Variants in RYR1 observed in about 807,000 individuals in gnomAD.
RYR1 encodes central core disease of muscle.
In RYR1, 342 loss-of-function variants were observed where a neutral mutation model predicts 583.5. The observed-to-expected ratio is 0.59, with a 90% CI of 0.54 to 0.64. The LOEUF (loss-of-function observed/expected upper bound fraction) is 0.64, where lower values mean the gene tolerates loss of function less well. RYR1 is among the 30% of genes least tolerant of loss of function. The probability of loss-of-function intolerance (pLI) is 0.00; values close to 1 mark genes in which losing one functional copy is unlikely to be tolerated. For synonymous variants in RYR1, 2,791 were observed against 2,822.5 expected (o/e 0.99, Z 0.35); for missense variants, 6,032 against 6,917.2 (o/e 0.87, Z 4.54).
chr19:38,477,891 T>TGGG, intron 30 of RYR1, 21 bp downstream of exon 30: 18 of 528,572 alleles, frequency 3.4e-5, no homozygotes, highest in East Asian at 5.1e-5. Context: ...TGGGGGGAGG[T>TGGG]GGGAGGTGCA....
At position 38,433,746 on chromosome 19, in the gene RYR1, G is replaced by GCC; in HGVS notation, c.-82_-81dup. On this transcript the variant is annotated 5_prime_UTR_variant, in exon 1 of 106. Transcript: ENST00000359596. The stretch of plus-strand genomic sequence containing the variant: ...GTGTCTCCAGAGGTCTCCGACCCCA[G>GCC]CCCGCCCCCAGCCCTCCCGCCCAGC... 1.4e-4 allele frequency: 72 copies of GCC among 520,694 alleles called. No homozygotes were observed. The highest frequency in any genetic ancestry group is 5.3e-4 in the Admixed American group (23 of 43,292). The allele number at this position is 520,694 out of a possible 1,614,324, so 32.3% of individuals were successfully genotyped here. A position where few individuals can be genotyped will look rare whatever the true frequency, so the allele number is the denominator to read the frequency against.
At chr19:38,485,285 C>T (rs1969224714) in intron 33 of RYR1, among the ~76,000 whole-genome samples, 1 of 152,092 alleles carries the variant, frequency 6.6e-6, no homozygotes, top group Non-Finnish European at 1.5e-5. Context: ...ACTTCCAGAA[C>T]CATTGAAAGA....
At chr19:38,534,920 T>A in intron 79 of RYR1, 101 bp downstream of exon 79, 1 of 1,342,812 alleles carries the variant, frequency 7.4e-7, no homozygotes, top group South Asian at 1.3e-5. Context: ...CGCCCCTCAA[T>A]GCCTGTGGTT....
At chr19:38,463,299 T>C in intron 20 of RYR1, 124 bp from the exon 21 acceptor site, 1 of 762,824 alleles carries the variant, frequency 1.3e-6, no homozygotes, top group Non-Finnish European at 2.3e-6. Flanking sequence ...GCAGGGCTGC[T>C]GGATGGTGGG....
At position 38,452,174 on chromosome 19, in the gene RYR1, T is replaced by C. The variant is rs79680495; in HGVS notation, c.1244+289T>C. On this transcript the variant is annotated intron_variant, in intron 12 of 105. Transcript: ENST00000359596. Reference sequence around the variant, plus strand: ...AAATTAGGCTGGGCACAGTGGCTCATGCCTGTAATCCTAGCACTTTGAGAG... The same window carrying C: ...AAATTAGGCTGGGCACAGTGGCTCACGCCTGTAATCCTAGCACTTTGAGAG... Among the ~76,000 whole-genome samples the C allele has an allele frequency of 1.5e-3, 223 of 146,344 alleles. 4 individuals are homozygous for C. The East Asian group carries it at 0.035, about 23-fold the overall frequency.
rs756066557 is a variant in RYR1, at chr19:38,496,458, A to G, written c.6713A>G (p.Tyr2238Cys). The G allele has an allele frequency of 5.0e-6, 8 of 1,613,754 alleles. No homozygotes were observed. Among genetic ancestry groups the G allele is most frequent in the Non-Finnish European group, 6.8e-6 (8 of 1,180,014 alleles). The change falls in exon 41 of 106, where the codon TAT (tyrosine) becomes TGT (cysteine). Residue 2238 changes from tyrosine to cysteine, a missense_variant. Physicochemically the swap from Tyr to Cys is radical, Grantham distance 194 (BLOSUM62 -2). Coordinates refer to ENST00000359596, the MANE Select transcript of RYR1 (RefSeq NM_000540.3). The surrounding 1 kb of genome is among the most constrained non-coding windows in gnomAD (Gnocchi z 4.8). ...ACAAGCTGCTGCCGCTTCCTCTGCT[A>G]TTTCTGCCGAATCAGCCGGCAGAAC... Reference protein sequence around the residue: ...MVTSCCRFLCYFCRISRQNQR... With the variant: ...MVTSCCRFLCCFCRISRQNQR...
intron 90 of RYR1, among the ~76,000 whole-genome samples, chr19:38,563,251 T>C (rs1411996723): frequency 2.6e-5 from 4 of 152,216 alleles, no homozygotes; most frequent in Non-Finnish European, 5.9e-5. Flanking sequence ...GGCAGTATAA[T>C]AATAGGTAAC....
chr19:38,508,501 G>A (rs1258982926), intron 58 of RYR1, among the ~76,000 whole-genome samples: 6 of 152,320 alleles, frequency 3.9e-5, no homozygotes, highest in Admixed American at 6.5e-5. Context: ...GTGAGCCACC[G>A]CACCCGGCTT....
In RYR1 at chr19:38,469,921, A is replaced by T. The variant is rs528513011; in HGVS notation, c.3765+408A>T. ...GTCTCTACAAAAAATAAAAAAAAAA[A>T]TTAGCAAGGTGTGTAGTATGCACAT... On this transcript the variant is annotated intron_variant, in intron 27 of 105. Transcript: ENST00000359596. Among the ~76,000 whole-genome samples, 198 of 151,054 alleles carry T rather than the reference A, an allele frequency of 1.3e-3. 1 individual carries two copies. The highest frequency in any genetic ancestry group is 4.5e-3 in the African/African-American group (183 of 41,002).
chr19:38,548,454 G>C (rs1972526372), intron 89 of RYR1, 34 bp downstream of exon 89: 1 of 1,605,442 alleles, frequency 6.2e-7, no homozygotes, highest in African/African-American at 1.3e-5. Context: ...CCCAGGACTT[G>C]GGTGGGGTTG....
chr19:38,458,302 C>T lies in RYR1; in HGVS notation c.2167+10C>T, dbSNP rs373222019. 1 of 1,613,108 alleles carries T rather than the reference C, an allele frequency of 6.2e-7. No individual in the cohort carries two copies. The highest frequency in any genetic ancestry group is 8.5e-7 in the Non-Finnish European group (1 of 1,179,522). ...CTGCATCTCTGGACAGGTACCTGAC[C>T]CCTTCCAGGGGACCCTCACCCCTGA... On this transcript the variant is annotated intron_variant, in intron 18 of 105. Coordinates refer to ENST00000359596, the MANE Select transcript of RYR1 (RefSeq NM_000540.3).
intron 91 of RYR1, among the ~76,000 whole-genome samples, chr19:38,566,448 CAAAAAAAAAAAAAAAA>C (rs71165563): frequency 2.7e-4 from 14 of 51,068 alleles, no homozygotes; most frequent in African/African-American, 4.6e-4. Context: ...GACTCTGTCT[CAAAAAAAAAAAAAAAA>C]AAAAAAAAAA....
At chr19:38,456,842 C>T (rs371350052) in intron 16 of RYR1, among the ~76,000 whole-genome samples, 13 of 150,732 alleles carry the variant, frequency 8.6e-5, no homozygotes, top group Admixed American at 3.3e-4. Context: ...GTCAGGAGAT[C>T]GAGACCATCC....
Position 38,515,071 on chromosome 19 carries a change from A to G in RYR1, c.9518A>G (p.Tyr3173Cys). ...TGCTACCGAACGCTGTGCAGTATCT[A>G]CTCCCTGGGAACCACCAAGAACACT... is the stretch of plus-strand genomic sequence containing the variant. ...VSCYRTLCSI[Y>C]SLGTTKNTYV... Residue 3173 changes from tyrosine (Y) to cysteine (C), a missense_variant, in exon 64 of 106, where the codon TAC becomes TGC. By Grantham distance (194) the Tyr-to-Cys change is radical. Coordinates refer to ENST00000359596, the MANE Select transcript of RYR1 (RefSeq NM_000540.3). 6.2e-7 allele frequency: 1 copy of G among 1,609,680 alleles called. No homozygotes were observed.
chr19:38,492,180 G>A (rs1430786218), intron 37 of RYR1, among the ~76,000 whole-genome samples: 1 of 151,872 alleles, frequency 6.6e-6, no homozygotes, highest in Non-Finnish European at 1.5e-5. Flanking sequence ...TGGGCAACAT[G>A]GCAAGACCCC....
At position 38,543,516 on chromosome 19, in the gene RYR1, T is replaced by C; in HGVS notation, c.11779-16T>C. 1 of 1,504,862 alleles carries C rather than the reference T, an allele frequency of 6.6e-7. No homozygotes were observed. Among genetic ancestry groups the C allele is most frequent in the South Asian group, 1.1e-5 (1 of 89,032 alleles). 93.2% of individuals were successfully genotyped at this position (1,504,862 alleles called of 1,614,324 possible). On this transcript the variant is annotated splice_polypyrimidine_tract_variant and intron_variant, in intron 85 of 105. Transcript: ENST00000359596. The surrounding 1 kb of genome is among the most constrained non-coding windows in gnomAD (Gnocchi z 4.4). ...TCGGCCCCAGCACCCCCTCACACCC[T>C]ACCCGCCCCCACCAGGAATCCATCA...
At position 38,467,654 on chromosome 19, in the gene RYR1, C is replaced by T. The variant is rs573649990; in HGVS notation, c.3223C>T (p.Arg1075Trp). The T allele has an allele frequency of 5.6e-6, 9 of 1,614,212 alleles. No individual in the cohort carries two copies. Among genetic ancestry groups the T allele is most frequent in the East Asian group, 4.5e-5 (2 of 44,896 alleles). ...QSRCDRVRIF[R>W]AEKSYTVQSG... is the part of the protein sequence containing the mutation. ...TCGTTGTGACCGGGTGCGCATCTTC[C>T]GGGCAGAGAAATCCTATACAGTGCA... Residue 1075 changes from arginine to tryptophan, a missense_variant, in exon 25 of 106, where the codon CGG (arginine) becomes TGG (tryptophan). Arg to Trp is a moderately radical substitution (Grantham distance 101). Transcript: ENST00000359596.
chr19:38,559,624 C>T (rs1356236185), intron 89 of RYR1, among the ~76,000 whole-genome samples: 7 of 151,934 alleles, frequency 4.6e-5, no homozygotes, highest in East Asian at 3.9e-4. Context: ...TGAGGGGTTC[C>T]GGTGTGATTA....
rs181961522 is a variant in RYR1 at position 38,567,582 on chromosome 19, C to G, written c.13515-191C>G. ...GGCTGTCACTGCCTGGTGTCACTGT[C>G]ACTGCCTGTCTCCCACATTGGACTG... On this transcript the variant is annotated intron_variant, in intron 92 of 105. Coordinates refer to ENST00000359596, the MANE Select transcript of RYR1 (RefSeq NM_000540.3). Among the ~76,000 whole-genome samples the G allele has an allele frequency of 4.2e-3, 645 of 152,304 alleles. 5 individuals carry two copies. Among genetic ancestry groups the G allele is most frequent in the African/African-American group, 0.015 (631 of 41,556 alleles).
Sources: gnomAD v4.1 joint callset for allele counts (sites outside exome capture counted in the v4.1 genomes callset) on GRCh38, gnomAD v4.1.1 for gene constraint, Gnocchi (gnomAD v3.1) non-coding constraint, MANE v1.5 for transcripts, NCBI Gene and HGNC (gene_info 2026-07-23, HGNC 2026-07-21) for gene names.